The following ELOVL3 variants were observed in gnomAD, a reference collection of about 807,000 sequenced individuals.
The protein encoded by ELOVL3 is very long chain fatty acid elongase 3.
In ELOVL3, 11 loss-of-function variants were observed where a neutral mutation model predicts 14.9. That is an observed-to-expected ratio of 0.74 (90% CI 0.46 to 1.22). The LOEUF is 1.22. Among genes scored for constraint, ELOVL3 ranks in the 50% most tolerant of loss-of-function variants. The pLI, the probability that ELOVL3 is intolerant of heterozygous loss-of-function variation, is 0.00. For missense variants in ELOVL3, 277 were observed against 338.9 expected, an observed-to-expected ratio of 0.82 and a Z score of 1.43; for synonymous variants, 117 against 124.7, an observed-to-expected ratio of 0.94 and a Z score of 0.41.
chr10:102,229,145 T>G lies in ELOVL3; in HGVS notation c.706T>G (p.Leu236Val), dbSNP rs2070171749. The change falls in exon 4 of 4, where the codon TTA becomes GTA. Residue 236 changes from leucine (L) to valine (V), a missense_variant. By Grantham distance (32) the Leu-to-Val change is conservative. Transcript: ENST00000370005. ...DQGCHTTMEH[L>V]FWSFILYMTY... Reference sequence around the variant, plus strand: ...GGGATGCCACACCACGATGGAACACTTATTCTGGTCCTTCATCTTGTATAT... The same window carrying G: ...GGGATGCCACACCACGATGGAACACGTATTCTGGTCCTTCATCTTGTATAT... 1.2e-6 allele frequency: 2 copies of G among 1,613,980 alleles called. No individual in the cohort carries two copies. The highest frequency in any genetic ancestry group is 1.7e-5 in the Admixed American group (1 of 60,010).
rs1251231702 is a variant in ELOVL3 at position 102,226,347 on chromosome 10, G to C, written c.-202G>C. On this transcript the variant is annotated 5_prime_UTR_variant, in exon 1 of 4. Coordinates refer to ENST00000370005, the MANE Select transcript of ELOVL3 (RefSeq NM_152310.3). ...CGGGCAGGCAGCTTTGCAAGTCCGC[G>C]TTATATATCGCAGTGGCTGCGCCCG... 2 of 553,874 alleles carry C rather than the reference G, an allele frequency of 3.6e-6. No homozygotes were observed. Among genetic ancestry groups the C allele is most frequent in the East Asian group, 3.2e-5 (1 of 31,456 alleles). The allele number at this position is 553,874 out of a possible 1,614,324, so 34.3% of individuals were successfully genotyped here. A position where few individuals can be genotyped will look rare whatever the true frequency, so the allele number is the denominator to read the frequency against.
At position 102,227,726 on chromosome 10, in the gene ELOVL3, A is replaced by G; in HGVS notation, c.202A>G (p.Ile68Val). ...RKGFNLQGPL[I>V]LWSFCLAIFS... is the part of the protein sequence containing the mutation. The stretch of plus-strand genomic sequence containing the variant: ...GGGCTTCAACCTGCAAGGGCCTCTC[A>G]TCCTCTGGTCCTTCTGCCTTGCAAT... The change falls in exon 2 of 4, where the codon ATC (isoleucine) becomes GTC (valine). Residue 68 changes from isoleucine to valine, a missense_variant. By Grantham distance (29) the Ile-to-Val change is conservative. Transcript: ENST00000370005. 1.2e-6 allele frequency: 2 copies of G among 1,613,754 alleles called. No homozygotes were observed. The highest frequency in any genetic ancestry group is 1.7e-6 in the Non-Finnish European group (2 of 1,179,868).
rs951705816 is a variant in ELOVL3, at chr10:102,226,357, G to T, written c.-192G>T. 5.9e-5 allele frequency: 33 copies of T among 561,076 alleles called. No homozygotes were observed. The highest frequency in any genetic ancestry group is 1.0e-4 in the Non-Finnish European group (32 of 315,126). 34.8% of individuals were successfully genotyped at this position (561,076 alleles called of 1,614,324 possible). A position where few individuals can be genotyped will look rare whatever the true frequency, so the allele number is the denominator to read the frequency against. On this transcript the variant is annotated 5_prime_UTR_variant, in exon 1 of 4. Coordinates refer to ENST00000370005, the MANE Select transcript of ELOVL3 (RefSeq NM_152310.3). ...GCTTTGCAAGTCCGCGTTATATATC[G>T]CAGTGGCTGCGCCCGGGATAGCTGG...
chr10:102,228,129 C>T lies in ELOVL3; in HGVS notation c.234-288C>T, dbSNP rs548149960. ...CCTTCAGTCTTCCCCTATCCCTCTA[C>T]ACATCTCCTCCCAGGCTCCTAACCC... On this transcript the variant is annotated intron_variant, in intron 2 of 3. Transcript: ENST00000370005. 3.9e-5 allele frequency among the ~76,000 whole-genome samples: 6 copies of T among 152,248 alleles called. No individual in the cohort carries two copies. In the East Asian group the frequency reaches 1.2e-3, roughly 29 times the overall value.
Position 102,228,538 on chromosome 10 carries a change from GTCTT to G in ELOVL3, c.360_363del (p.Leu121SerfsTer5), listed in dbSNP as rs2070159914. The G allele has an allele frequency of 1.9e-6, 3 of 1,613,978 alleles. No individual in the cohort carries two copies. The highest frequency in any genetic ancestry group is 1.1e-5 in the South Asian group (1 of 91,080). ...TTCCACAGTCAAATTCTGGTCCTGG[GTCTT>G]TCTTCTCAGCAAGGTCATAGAACTC... On this transcript the variant is annotated frameshift_variant, in exon 3 of 4. Transcript: ENST00000370005. LOFTEE classifies it low-confidence loss of function (END_TRUNC).
In ELOVL3 at chr10:102,226,366, G is replaced by A. The variant is rs1196064535; in HGVS notation, c.-183G>A. On this transcript the variant is annotated 5_prime_UTR_variant, in exon 1 of 4. Coordinates refer to ENST00000370005, the MANE Select transcript of ELOVL3 (RefSeq NM_152310.3). ...GTCCGCGTTATATATCGCAGTGGCT[G>A]CGCCCGGGATAGCTGGCTGCGCCGC... The A allele has an allele frequency of 1.8e-6, 1 of 569,788 alleles. No individual in the cohort carries two copies. The highest frequency in any genetic ancestry group is 3.2e-5 in the Admixed American group (1 of 30,880). The allele number at this position is 569,788 out of a possible 1,614,324, so 35.3% of individuals were successfully genotyped here. A position where few individuals can be genotyped will look rare whatever the true frequency, so the allele number is the denominator to read the frequency against.
intron 2 of ELOVL3, 90 bp downstream of exon 2, chr10:102,227,847 C>T: frequency 4.0e-6 from 6 of 1,493,732 alleles, no homozygotes; most frequent in Non-Finnish European, 5.5e-6. Flanking sequence ...CAACCTCCAT[C>T]CTGTCCCCAA....
At chr10:102,224,896 C>G (rs1265064741), upstream of ELOVL3, among the ~76,000 whole-genome samples, 2 of 152,074 alleles carry the variant, frequency 1.3e-5, no homozygotes, top group African/African-American at 4.8e-5. Context: ...ATCTCCTGAC[C>G]TCATGATCTG....
chr10:102,229,073 G>T lies in ELOVL3; in HGVS notation c.634G>T (p.Val212Leu). The T allele has an allele frequency of 6.2e-7, 1 of 1,614,218 alleles. No individual in the cohort carries two copies. The highest frequency in any genetic ancestry group is 8.5e-7 in the Non-Finnish European group (1 of 1,180,044). ...CAGCCTGCAGATCTTGCAGATGTTT[G>T]TAGGAGCCATCGTCAGCATCCTCAC... ...ITSLQILQMF[V>L]GAIVSILTYI... The change falls in exon 4 of 4, where the codon GTA (valine) becomes TTA (leucine). Residue 212 changes from valine (V) to leucine (L), a missense_variant. By Grantham distance (32) the Val-to-Leu change is conservative (BLOSUM62 1). Transcript: ENST00000370005.
upstream of ELOVL3, among the ~76,000 whole-genome samples, chr10:102,225,024 T>C (rs1457865752): frequency 6.6e-6 from 1 of 152,132 alleles, no homozygotes; most frequent in Non-Finnish European, 1.5e-5. Context: ...AAACAGAAAG[T>C]AGTGGTTTTC....
chr10:102,224,854 G>A (rs539907765), upstream of ELOVL3, among the ~76,000 whole-genome samples: 3 of 151,922 alleles, frequency 2.0e-5, no homozygotes, highest in East Asian at 3.9e-4. Context: ...TAGTAGAGAC[G>A]GGGTTTGACG....
chr10:102,225,577 A>G (rs1171207640), upstream of ELOVL3, among the ~76,000 whole-genome samples: 1 of 152,188 alleles, frequency 6.6e-6, no homozygotes, highest in Non-Finnish European at 1.5e-5. Flanking sequence ...AGAAAGAAGT[A>G]GATTTGGTTA....
In ELOVL3 at chr10:102,229,521, T is replaced by G; in HGVS notation, c.*269T>G. ...GCGGAGGAGGGTCCTAAGAGCTGAT[T>G]ATTTAATTTCTATCCAGAAATCTTT... On this transcript the variant is annotated 3_prime_UTR_variant, in exon 4 of 4. Coordinates refer to ENST00000370005, the MANE Select transcript of ELOVL3 (RefSeq NM_152310.3). 3.0e-6 allele frequency: 1 copy of G among 333,304 alleles called. No individual in the cohort carries two copies. The allele number at this position is 333,304 out of a possible 1,614,324, so 20.6% of individuals were successfully genotyped here.
At position 102,228,618 on chromosome 10, in the gene ELOVL3, C is replaced by T. The variant is rs201061634; in HGVS notation, c.385+50C>T. 29 of 1,599,998 alleles carry T rather than the reference C, an allele frequency of 1.8e-5. No homozygotes were observed. In the African/African-American group the frequency reaches 3.5e-4, roughly 19 times the overall value. On this transcript the variant is annotated intron_variant, in intron 3 of 3. Coordinates refer to ENST00000370005, the MANE Select transcript of ELOVL3 (RefSeq NM_152310.3). ...TGGTGCCTTGTGAACTGCATCCTTC[C>T]TCAGGGCCCTCCCTTCACCCATCCC...
chr10:102,226,536 T>C lies in ELOVL3; in HGVS notation c.-13T>C. On this transcript the variant is annotated 5_prime_UTR_variant, in exon 1 of 4. Transcript: ENST00000370005. ...CGCCTCCAAGCTTTGGACCTTGACT[T>C]CTGCAAAACTAGATGGTCACAGCCA... is the stretch of plus-strand genomic sequence containing the variant. 1 of 1,608,200 alleles carries C rather than the reference T, an allele frequency of 6.2e-7. No homozygotes were observed. Among genetic ancestry groups the C allele is most frequent in the Non-Finnish European group, 8.5e-7 (1 of 1,175,000 alleles).
intron 1 of ELOVL3, 59 bp downstream of exon 1, chr10:102,226,708 G>C: frequency 8.0e-7 from 1 of 1,257,810 alleles, no homozygotes; most frequent in Non-Finnish European, 1.2e-6. Flanking sequence ...GCGCGAGGGG[G>C]TGGCATTGAA....
In ELOVL3 at chr10:102,229,044, T is replaced by A. The variant is rs1489631571; in HGVS notation, c.605T>A (p.Ile202Asn). 6.2e-7 allele frequency: 1 copy of A among 1,614,050 alleles called. No homozygotes were observed. The highest frequency in any genetic ancestry group is 1.3e-5 in the African/African-American group (1 of 74,912). ...VKPPKMLPMLITSLQILQMFV... is the reference protein window; with the variant it reads ...VKPPKMLPMLNTSLQILQMFV... ...CCCCCCAAGATGCTGCCCATGCTCATCACCAGCCTGCAGATCTTGCAGATG... is the reference window on the plus strand; with the variant it reads ...CCCCCCAAGATGCTGCCCATGCTCAACACCAGCCTGCAGATCTTGCAGATG... Residue 202 changes from isoleucine (I) to asparagine (N), a missense_variant, in exon 4 of 4, where the codon ATC (isoleucine) becomes AAC (asparagine). By Grantham distance (149) the Ile-to-Asn change is moderately radical. Coordinates refer to ENST00000370005, the MANE Select transcript of ELOVL3 (RefSeq NM_152310.3).
Position 102,227,608 on chromosome 10 carries a change from C to G in ELOVL3, c.102-18C>G, listed in dbSNP as rs761710097. On this transcript the variant is annotated intron_variant, in intron 1 of 3. Coordinates refer to ENST00000370005, the MANE Select transcript of ELOVL3 (RefSeq NM_152310.3). Reference sequence around the variant, plus strand: ...AGCACCCACCCATGAGCCCATCCCTCTGCCTTCTGCTTGCCAGGGCAACCT... The same window carrying G: ...AGCACCCACCCATGAGCCCATCCCTGTGCCTTCTGCTTGCCAGGGCAACCT... The G allele has an allele frequency of 3.7e-6, 6 of 1,608,768 alleles. No individual in the cohort carries two copies. The highest frequency in any genetic ancestry group is 1.7e-4 in the Middle Eastern group (1 of 5,944).
intron 3 of ELOVL3, 119 bp from the exon 4 acceptor site, chr10:102,228,706 A>T: frequency 7.0e-7 from 1 of 1,419,232 alleles, no homozygotes; most frequent in East Asian, 2.3e-5. Flanking sequence ...CCCTCTACAG[A>T]TTCTCTGCCA....
Sources: allele counts gnomAD v4.1 joint callset (sites outside exome capture counted in the v4.1 genomes callset), GRCh38; gene constraint gnomAD v4.1.1; transcripts MANE v1.5; gene names NCBI Gene and HGNC (gene_info 2026-07-23, HGNC 2026-07-21).